The following DSG3 variants were observed in gnomAD, a reference collection of about 807,000 sequenced individuals.
The protein encoded by DSG3 is desmoglein-3.
A neutral mutation model predicts 85.9 loss-of-function variants in DSG3; 63 were observed. The ratio of observed to expected loss-of-function variants is 0.73; its 90% CI spans 0.60 to 0.90. The LOEUF (loss-of-function observed/expected upper bound fraction) is 0.90, where lower values mean the gene tolerates loss of function less well. Among genes scored for constraint, DSG3 ranks in the 40% least tolerant of loss-of-function variants. The pLI is 0.00. For synonymous variants in DSG3, 447 were observed against 441.9 expected, an observed-to-expected ratio of 1.01 and a Z score of -0.14; for missense variants, 1,220 against 1,219.9, an observed-to-expected ratio of 1.00 and a Z score of 0.00.
At chr18:31,451,129 G>A (rs1288930357) in intron 1 of DSG3, among the ~76,000 whole-genome samples, 1 of 152,018 alleles carries the variant, frequency 6.6e-6, no homozygotes, top group African/African-American at 2.4e-5. Context: ...TTTATGCAAC[G>A]TAAAATAAAC....
chr18:31,471,451 A>G (rs2072854890), intron 12 of DSG3, among the ~76,000 whole-genome samples: 1 of 152,096 alleles, frequency 6.6e-6, no homozygotes, highest in African/African-American at 2.4e-5. Flanking sequence ...CGAAATTTAA[A>G]CCCTAGAATC....
At chr18:31,451,974 T>C (rs1323580014) in intron 1 of DSG3, among the ~76,000 whole-genome samples, 1 of 152,156 alleles carries the variant, frequency 6.6e-6, no homozygotes, top group African/African-American at 2.4e-5. Context: ...AATCACAAGA[T>C]GAATAATTGA....
chr18:31,475,325 G>A (rs2144249115), intron 15 of DSG3, among the ~76,000 whole-genome samples: 1 of 152,184 alleles, frequency 6.6e-6, no homozygotes, highest in South Asian at 2.1e-4. Flanking sequence ...GCAGGGCAGG[G>A]GAGAAAGGGA....
chr18:31,454,671 TTG>T (rs2072730896), intron 1 of DSG3, among the ~76,000 whole-genome samples: 1 of 148,502 alleles, frequency 6.7e-6, no homozygotes, highest in African/African-American at 2.6e-5. Context: ...TACCATTAGT[TTG>T]TTTTTTTTTT....
chr18:31,451,860 G>A (rs1373593812), intron 1 of DSG3, among the ~76,000 whole-genome samples: 5 of 152,188 alleles, frequency 3.3e-5, no homozygotes, highest in Non-Finnish European at 7.3e-5. Flanking sequence ...TTAGCCTTTG[G>A]CTCTTTCTGT....
chr18:31,476,255 A>G lies in DSG3; in HGVS notation c.2995A>G (p.Ile999Val). Residue 999 changes from isoleucine (I) to valine (V), a missense_variant, in exon 16 of 16, where the codon ATA becomes GTA. Coordinates refer to ENST00000257189, the MANE Select transcript of DSG3 (RefSeq NM_001944.3). ...TACAGAGGATCCTTGCTCCCGTCTA[A>G]TATGACCAGAATGAGCTGGAATACC... ...LCTEDPCSRLI is the reference protein window; with the variant it reads ...LCTEDPCSRLV The G allele has an allele frequency of 2.5e-6, 4 of 1,604,810 alleles. No homozygotes were observed. The highest frequency in any genetic ancestry group is 1.7e-6 in the Non-Finnish European group (2 of 1,174,672).
At chr18:31,454,075 T>C (rs2072727177) in intron 1 of DSG3, among the ~76,000 whole-genome samples, 1 of 152,234 alleles carries the variant, frequency 6.6e-6, no homozygotes, top group African/African-American at 2.4e-5. Context: ...AAGGCTGTGC[T>C]GTCCTCTAAA....
rs1344260825 is a variant in DSG3 at position 31,458,526 on chromosome 18, TTTG to T, written c.305_307del (p.Val102del). On this transcript the variant is annotated inframe_deletion, in exon 4 of 16. Coordinates refer to ENST00000257189, the MANE Select transcript of DSG3 (RefSeq NM_001944.3). ...AATCGATCAGCCGCCTTTTGGAATC[TTTG>T]TTGTTGACAAAAACACTGGAGATAT... 2.5e-6 allele frequency: 4 copies of T among 1,614,086 alleles called. No individual in the cohort carries two copies. Among genetic ancestry groups the T allele is most frequent in the Non-Finnish European group, 3.4e-6 (4 of 1,179,960 alleles).
At chr18:31,461,868 C>T (rs2072788593) in intron 8 of DSG3, among the ~76,000 whole-genome samples, 1 of 152,184 alleles carries the variant, frequency 6.6e-6, no homozygotes, top group African/African-American at 2.4e-5. Context: ...AATGGCAACT[C>T]TTCCTACAAA....
intron 1 of DSG3, among the ~76,000 whole-genome samples, chr18:31,454,034 T>G (rs965929996): frequency 6.6e-6 from 1 of 152,128 alleles, no homozygotes; most frequent in African/African-American, 2.4e-5. Flanking sequence ...CTAAAATAAT[T>G]TTTTTAAAAA....
At chr18:31,465,247 G>A (rs2072810722) in intron 9 of DSG3, 71 bp from the exon 10 acceptor site, 4 of 1,089,992 alleles carry the variant, frequency 3.7e-6, no homozygotes, top group African/African-American at 1.6e-5. Flanking sequence ...AATATAAAAT[G>A]AGTCATTTTC....
chr18:31,466,034 A>G (rs1480527852), intron 10 of DSG3, among the ~76,000 whole-genome samples: 1 of 152,222 alleles, frequency 6.6e-6, no homozygotes, highest in Non-Finnish European at 1.5e-5. Flanking sequence ...CAGAAATGAC[A>G]CATAATGCCC....
chr18:31,464,111 G>A lies in DSG3; in HGVS notation c.1000G>A (p.Ala334Thr), dbSNP rs1254296770. The stretch of plus-strand genomic sequence containing the variant: ...CCTTCTAATTTTATTTTTTCTCCAG[G>A]CTCTAGATTATGAACAACTACAAAG... ...TNEGILKVVK[A>T]LDYEQLQSVK... Residue 334 changes from alanine (A) to threonine (T), a missense_variant and splice_region_variant, in exon 9 of 16, where the codon GCT becomes ACT. Transcript: ENST00000257189. 6.2e-7 allele frequency: 1 copy of A among 1,608,216 alleles called. No homozygotes were observed. The highest frequency in any genetic ancestry group is 8.5e-7 in the Non-Finnish European group (1 of 1,176,920).
At chr18:31,473,143 C>T (rs946602399) in intron 14 of DSG3, among the ~76,000 whole-genome samples, 1 of 152,196 alleles carries the variant, frequency 6.6e-6, no homozygotes, top group Non-Finnish European at 1.5e-5. Context: ...TAACGAACAT[C>T]TATGTATCCA....
chr18:31,447,754 T>C lies in DSG3; in HGVS notation c.-124T>C. The stretch of plus-strand genomic sequence containing the variant: ...GGGAGGGACCGCATAACAGACCATC[T>C]GTAGACTCCTTCGGAAAGCAGCAGA... On this transcript the variant is annotated 5_prime_UTR_variant, in exon 1 of 16. Transcript: ENST00000257189. 1.4e-6 allele frequency: 1 copy of C among 698,514 alleles called. No individual in the cohort carries two copies. The highest frequency in any genetic ancestry group is 3.1e-5 in the East Asian group (1 of 32,194). The allele number at this position is 698,514 out of a possible 1,614,324, so 43.3% of individuals were successfully genotyped here.
At chr18:31,449,735 C>T (rs2072700149) in intron 1 of DSG3, among the ~76,000 whole-genome samples, 1 of 152,132 alleles carries the variant, frequency 6.6e-6, no homozygotes, top group African/African-American at 2.4e-5. Context: ...TGGTTCCACT[C>T]AAGAAAATTT....
In DSG3 at chr18:31,475,708, T is replaced by G. The variant is rs749801283; in HGVS notation, c.2448T>G (p.Tyr816Ter). Reference sequence around the variant, plus strand: ...AAGCAAATGACTGCTTGTTGATCTATGATAATGAAGGCGCAGATGCCACTG... The same window carrying G: ...AAGCAAATGACTGCTTGTTGATCTAGGATAATGAAGGCGCAGATGCCACTG... Reference protein sequence around the residue: ...GQEANDCLLIYDNEGADATGS... With the variant: ...GQEANDCLLI The change falls in exon 16 of 16, where the codon TAT (tyrosine) becomes TAG (stop). Residue 816 changes from tyrosine to a stop codon, truncating the protein, a stop_gained. Coordinates refer to ENST00000257189, the MANE Select transcript of DSG3 (RefSeq NM_001944.3). LOFTEE classifies it low-confidence loss of function (END_TRUNC). The G allele has an allele frequency of 5.0e-6, 8 of 1,614,192 alleles. No individual in the cohort carries two copies. The Admixed American group carries it at 1.3e-4, about 27-fold the overall frequency.
intron 3 of DSG3, among the ~76,000 whole-genome samples, chr18:31,457,594 TTCTTTCTTTCTTTCTTTC>T (rs1198230031): frequency 1.8e-4 from 8 of 44,838 alleles, no homozygotes; most frequent in Non-Finnish European, 2.8e-4. Context: ...TCTTCTTTCT[TTCTTTCTTTCTTTCTTTC>T]TTTCTTTCTT....
At chr18:31,451,697 G>A (rs2072712638) in intron 1 of DSG3, among the ~76,000 whole-genome samples, 2 of 152,276 alleles carry the variant, frequency 1.3e-5, no homozygotes, top group African/African-American at 4.8e-5. Context: ...GAATACCCTT[G>A]CCAAATGGTT....
Sources: gnomAD v4.1 joint callset for allele counts (sites outside exome capture counted in the v4.1 genomes callset) on GRCh38, gnomAD v4.1.1 for gene constraint, MANE v1.5 for transcripts, NCBI Gene and HGNC (gene_info 2026-07-23, HGNC 2026-07-21) for gene names.